FAM13A: variants seen among roughly 807,000 people sequenced by gnomAD.
FAM13A encodes the protein family with sequence similarity 13 member A.
In FAM13A, 76 loss-of-function variants were observed where a neutral mutation model predicts 129.6. The observed-to-expected ratio is 0.59, with a 90% CI of 0.49 to 0.71. The LOEUF (loss-of-function observed/expected upper bound fraction) is 0.71. Among genes scored for constraint, FAM13A ranks in the 30% least tolerant of loss-of-function variants. FAM13A has a pLI of 0.00. For synonymous variants in FAM13A, 443 were observed against 449.9 expected, an observed-to-expected ratio of 0.98 and a Z score of 0.20; for missense variants, 1,108 against 1,249.3, an observed-to-expected ratio of 0.89 and a Z score of 1.70.
intron 4 of FAM13A, among the ~76,000 whole-genome samples, chr4:88,940,352 A>G (rs1210440248): frequency 7.3e-6 from 1 of 136,852 alleles, no homozygotes; most frequent in African/African-American, 2.5e-5. Flanking sequence ...CAGAAAACTT[A>G]GGGAAATTGT....
In FAM13A at chr4:88,825,449, T is replaced by C. The variant is rs903719798; in HGVS notation, c.1008-20397A>G. Among the ~76,000 whole-genome samples, 23 of 152,170 alleles carry C rather than the reference T, an allele frequency of 1.5e-4. 1 individual carries two copies. Among genetic ancestry groups the C allele is most frequent in the African/African-American group, 5.5e-4 (23 of 41,450 alleles). On this transcript the variant is annotated intron_variant, in intron 7 of 23. Transcript: ENST00000264344. ...TCAGGCTGGTCTCGAACTCCTGACC[T>C]CAAATGATCCACCTGCCTCAGCCTC...
rs1404420469 is a variant in FAM13A, at chr4:88,727,823, T to C, written c.*710A>G. ...TTCATACAGCTGCTTACCATCTCTC[T>C]GTCCTCTGCAGATGACCCGGTCCTA... On this transcript the variant is annotated 3_prime_UTR_variant, in exon 24 of 24. Coordinates refer to ENST00000264344, the MANE Select transcript of FAM13A (RefSeq NM_014883.4). 1 of 152,270 alleles carries C rather than the reference T, an allele frequency of 6.6e-6. No homozygotes were observed. The highest frequency in any genetic ancestry group is 2.4e-5 in the African/African-American group (1 of 41,466). The allele number at this position is 152,270 out of a possible 1,614,324, so 9.4% of individuals were successfully genotyped here.
At chr4:88,877,766 A>G (rs1356572056) in intron 6 of FAM13A, among the ~76,000 whole-genome samples, 1 of 152,194 alleles carries the variant, frequency 6.6e-6, no homozygotes, top group Non-Finnish European at 1.5e-5. Flanking sequence ...ATTTAAATTT[A>G]TGAGTACCAA....
chr4:88,890,425 C>T (rs1745131709), intron 6 of FAM13A, among the ~76,000 whole-genome samples: 1 of 152,162 alleles, frequency 6.6e-6, no homozygotes, highest in South Asian at 2.1e-4. Flanking sequence ...CATAGAGTCC[C>T]TTTTATTCCT....
chr4:88,737,220 A>G, intron 21 of FAM13A, among the ~76,000 whole-genome samples: 1 of 152,220 alleles, frequency 6.6e-6, no homozygotes, highest in East Asian at 1.9e-4. Context: ...ACAAAACAAC[A>G]ACAGACAATA....
At chr4:88,890,616 C>T (rs1421201777) in intron 6 of FAM13A, among the ~76,000 whole-genome samples, 2 of 152,070 alleles carry the variant, frequency 1.3e-5, no homozygotes, top group Non-Finnish European at 2.9e-5. Flanking sequence ...AAACAAAGAT[C>T]TCTATATGGA....
At chr4:88,898,938 A>G (rs1268087373) in intron 6 of FAM13A, among the ~76,000 whole-genome samples, 2 of 152,020 alleles carry the variant, frequency 1.3e-5, no homozygotes, top group Non-Finnish European at 2.9e-5. Context: ...CCAAAGGAAA[A>G]TAAGTCATTA....
chr4:88,815,183 G>A (rs535340941), intron 7 of FAM13A, among the ~76,000 whole-genome samples: 1 of 152,096 alleles, frequency 6.6e-6, no homozygotes, highest in East Asian at 1.9e-4. Context: ...AAGATACCAT[G>A]TTTTCCTGAG....
intron 6 of FAM13A, among the ~76,000 whole-genome samples, chr4:88,898,612 AT>A (rs552665132): frequency 5.9e-5 from 9 of 152,098 alleles, no homozygotes; most frequent in East Asian, 1.9e-4. Context: ...TAAAACTATA[AT>A]TTTTTTTAGT....
Position 88,746,979 on chromosome 4 carries a change from C to A in FAM13A, c.2419G>T (p.Ala807Ser). The change falls in exon 19 of 24, where the codon GCT becomes TCT. Residue 807 changes from alanine (A) to serine (S), a missense_variant. Physicochemically the swap from Ala to Ser is moderately conservative, Grantham distance 99. Coordinates refer to ENST00000264344, the MANE Select transcript of FAM13A (RefSeq NM_014883.4). Reference protein sequence around the residue: ...TKDQIANEKVALQKALLYYES... With the variant: ...TKDQIANEKVSLQKALLYYES... ...TAATATAACAGAGCTTTCTGCAGAG[C>A]CACTTTCTCATTAGCAATCTGGTCT... 6.2e-7 allele frequency: 1 copy of A among 1,613,610 alleles called. No homozygotes were observed. The highest frequency in any genetic ancestry group is 8.5e-7 in the Non-Finnish European group (1 of 1,179,558).
chr4:88,782,751 A>G (rs1203744758), intron 10 of FAM13A, among the ~76,000 whole-genome samples: 1 of 152,178 alleles, frequency 6.6e-6, no homozygotes, highest in African/African-American at 2.4e-5. Flanking sequence ...CTAAGTACAA[A>G]GTAATTGAAG....
intron 4 of FAM13A, among the ~76,000 whole-genome samples, chr4:88,958,349 C>A (rs1219934209): frequency 1.3e-5 from 2 of 152,188 alleles, no homozygotes; most frequent in Non-Finnish European, 2.9e-5. Context: ...GCTCCAGCTC[C>A]AGCTCCACCC....
Position 88,871,116 on chromosome 4 carries a change from C to A in FAM13A, c.844-19933G>T, listed in dbSNP as rs563884893. 2.6e-5 allele frequency among the ~76,000 whole-genome samples: 4 copies of A among 152,308 alleles called. No individual in the cohort carries two copies. The East Asian group carries it at 5.8e-4, about 22-fold the overall frequency. On this transcript the variant is annotated intron_variant, in intron 6 of 23. Coordinates refer to ENST00000264344, the MANE Select transcript of FAM13A (RefSeq NM_014883.4). ...ATAGCATCAACATCAACAATAAGGA[C>A]ATCCACACCAAAACCCCATTTACAG... is the stretch of plus-strand genomic sequence containing the variant.
chr4:88,787,381 T>C (rs960800495), intron 10 of FAM13A, among the ~76,000 whole-genome samples: 6 of 152,110 alleles, frequency 3.9e-5, no homozygotes, highest in Admixed American at 2.6e-4. Context: ...CAAGTCTAAA[T>C]AGTCAACTTA....
At chr4:88,851,901 T>G (rs1024988153) in intron 6 of FAM13A, among the ~76,000 whole-genome samples, 1 of 152,216 alleles carries the variant, frequency 6.6e-6, no homozygotes, top group Non-Finnish European at 1.5e-5. Flanking sequence ...AGAATGAATA[T>G]GAATACAATC....
intron 6 of FAM13A, among the ~76,000 whole-genome samples, chr4:88,876,006 C>G (rs1407306034): frequency 6.6e-6 from 1 of 152,118 alleles, no homozygotes. Flanking sequence ...ACGGATGAAG[C>G]TGGAAACCAT....
intron 5 of FAM13A, among the ~76,000 whole-genome samples, chr4:88,923,381 T>C (rs980648883): frequency 1.3e-5 from 2 of 152,218 alleles, no homozygotes; most frequent in African/African-American, 4.8e-5. Flanking sequence ...ATCCCTGGGA[T>C]GCAAGGCTGG....
At chr4:89,041,332 A>C (rs1770089349) in intron 1 of FAM13A, among the ~76,000 whole-genome samples, 1 of 152,216 alleles carries the variant, frequency 6.6e-6, no homozygotes, top group South Asian at 2.1e-4. Flanking sequence ...TTAATAAAAT[A>C]TCACATGTAC....
At chr4:88,926,684 C>T (rs1752236460) in intron 5 of FAM13A, among the ~76,000 whole-genome samples, 1 of 152,124 alleles carries the variant, frequency 6.6e-6, no homozygotes, top group Non-Finnish European at 1.5e-5. Flanking sequence ...AAATTAACAG[C>T]AATCTAAATT....
Sources: gnomAD v4.1 joint callset for allele counts (sites outside exome capture counted in the v4.1 genomes callset) on GRCh38, gnomAD v4.1.1 for gene constraint, MANE v1.5 for transcripts, NCBI Gene and HGNC (gene_info 2026-07-23, HGNC 2026-07-21) for gene names.